Variants in POU6F1 observed in about 807,000 individuals in gnomAD.
POU6F1 encodes POU domain, class 6, transcription factor 1.
Under a neutral mutation model 28.9 loss-of-function variants are expected in POU6F1, and 9 were observed. The observed-to-expected ratio is 0.31, with a 90% CI of 0.19 to 0.54. The LOEUF is 0.54. POU6F1 is among the 20% of genes least tolerant of loss of function. The pLI is 0.94. For synonymous variants in POU6F1, 173 were observed against 171.1 expected (o/e 1.01, Z -0.09); for missense variants, 338 against 426.1 (o/e 0.79, Z 1.82).
intron 6 of POU6F1, among the ~76,000 whole-genome samples, chr12:51,197,417 A>G (rs77725030): frequency 0.012 from 1,781 of 152,306 alleles, 37 homozygotes; most frequent in African/African-American, 0.041. Context: ...CTGCCAAGCC[A>G]GGAGCTACAC....
chr12:51,208,429 G>A (rs1194116825), intron 1 of POU6F1, among the ~76,000 whole-genome samples: 1 of 152,192 alleles, frequency 6.6e-6, no homozygotes, highest in Admixed American at 6.5e-5. Context: ...ACAATTGCTT[G>A]CTGTATTACT....
At chr12:51,213,524 GTTTAT>G (rs1027067600) in intron 1 of POU6F1, among the ~76,000 whole-genome samples, 3 of 151,714 alleles carry the variant, frequency 2.0e-5, no homozygotes, top group South Asian at 2.1e-4. Flanking sequence ...CATTTCTATG[GTTTAT>G]TTTATTTTAT....
At chr12:51,208,373 G>A (rs1025735963) in intron 1 of POU6F1, among the ~76,000 whole-genome samples, 6 of 152,200 alleles carry the variant, frequency 3.9e-5, no homozygotes, top group African/African-American at 1.4e-4. Flanking sequence ...AAAAGCAATT[G>A]ACATTTATTT....
At chr12:51,202,985 A>G (rs1374431589) in intron 3 of POU6F1, among the ~76,000 whole-genome samples, 1 of 152,058 alleles carries the variant, frequency 6.6e-6, no homozygotes, top group East Asian at 1.9e-4. Flanking sequence ...AATACTGCAC[A>G]CCTAGGAAGT....
intron 1 of POU6F1, among the ~76,000 whole-genome samples, chr12:51,213,549 T>A (rs1301052687): frequency 6.6e-6 from 1 of 151,980 alleles, no homozygotes; most frequent in Non-Finnish European, 1.5e-5. Flanking sequence ...TTTTATTTTT[T>A]TGAGACGAGG....
At chr12:51,206,697 CAG>C (rs1943651012) in intron 2 of POU6F1, 90 bp downstream of exon 2, 2 of 398,482 alleles carry the variant, frequency 5.0e-6, no homozygotes, top group East Asian at 7.1e-5. Flanking sequence ...TGGTAAGAAA[CAG>C]AGAGTGAAGG....
chr12:51,190,948 C>T lies in POU6F1; in HGVS notation c.1491-356G>A, dbSNP rs1942366233. Among the ~76,000 whole-genome samples the T allele has an allele frequency of 6.6e-6, 1 of 152,150 alleles. No individual in the cohort carries two copies. Among genetic ancestry groups the T allele is most frequent in the African/African-American group, 2.4e-5 (1 of 41,422 alleles). ...CCTTGGGAGGCCTCCAGTCACACTC[C>T]CATAGCAGCATCACTAACAAGTCAG... On this transcript the variant is annotated intron_variant, in intron 10 of 10. Coordinates refer to ENST00000333640, the MANE Select transcript of POU6F1 (RefSeq NM_001330422.2). The surrounding 1 kb of genome is among the most constrained non-coding windows in gnomAD (Gnocchi z 4.5).
At chr12:51,206,740 C>T (rs1312021058) in intron 2 of POU6F1, 49 bp downstream of exon 2, 1 of 398,586 alleles carries the variant, frequency 2.5e-6, no homozygotes. Flanking sequence ...GTTGCCCACA[C>T]CCCTCACTCC....
At chr12:51,213,164 T>C (rs1944115170) in intron 1 of POU6F1, among the ~76,000 whole-genome samples, 1 of 152,186 alleles carries the variant, frequency 6.6e-6, no homozygotes, top group Non-Finnish European at 1.5e-5. Flanking sequence ...CAGGAACTCC[T>C]GACCTCAGAT....
Position 51,196,072 on chromosome 12 carries a change from C to G in POU6F1, c.1077G>C (p.Leu359Phe), listed in dbSNP as rs762423758. ...QVQAVTPQLL[L>F]NAQGQVIATL... ...TCGCAATCACCTGGCCCTGGGCGTT[C>G]AACAACAGCTGGGGGGTCACGGCCT... Residue 359 changes from leucine (L) to phenylalanine (F), a missense_variant, in exon 8 of 11, where the codon TTG becomes TTC. Leu to Phe is a conservative substitution (Grantham distance 22). Coordinates refer to ENST00000333640, the MANE Select transcript of POU6F1 (RefSeq NM_001330422.2). 6.2e-7 allele frequency: 1 copy of G among 1,607,906 alleles called. No homozygotes were observed. The highest frequency in any genetic ancestry group is 1.1e-5 in the South Asian group (1 of 90,096).
Position 51,191,687 on chromosome 12 carries a change from G to T in POU6F1, c.1399C>A (p.Arg467=), listed in dbSNP as rs772862626. The change falls in exon 10 of 11, where the codon CGG becomes AGG. Residue 467 remains arginine, a synonymous_variant. Coordinates refer to ENST00000333640, the MANE Select transcript of POU6F1 (RefSeq NM_001330422.2). ...TGTGTAAGGCCCAGCGAGAGCCGCC[G>T]GATCTTAAAGTTCTTGGCAAACTCC... is the stretch of plus-strand genomic sequence containing the variant. The part of the protein sequence containing the change: ...IREFAKNFKI[R]RLSLGLTQTQ... The T allele has an allele frequency of 2.5e-6, 4 of 1,614,098 alleles. No individual in the cohort carries two copies. Among genetic ancestry groups the T allele is most frequent in the African/African-American group, 2.7e-5 (2 of 74,938 alleles).
chr12:51,213,636 C>T (rs1175084228), intron 1 of POU6F1, among the ~76,000 whole-genome samples: 1 of 151,914 alleles, frequency 6.6e-6, no homozygotes, highest in African/African-American at 2.4e-5. Context: ...CAGGTTCAAA[C>T]GATTCTCCTG....
At chr12:51,209,505 A>G (rs1165403291) in intron 1 of POU6F1, among the ~76,000 whole-genome samples, 1 of 152,210 alleles carries the variant, frequency 6.6e-6, no homozygotes, top group African/African-American at 2.4e-5. Context: ...TTGTATGGAT[A>G]CACTATATTT....
chr12:51,205,720 A>C (rs935635422), intron 2 of POU6F1, among the ~76,000 whole-genome samples: 2 of 152,194 alleles, frequency 1.3e-5, no homozygotes, highest in Non-Finnish European at 2.9e-5. Flanking sequence ...AGATGAGTGA[A>C]ATACATCCCC....
chr12:51,206,880 C>T lies in POU6F1; in HGVS notation c.-44G>A, dbSNP rs1943664568. On this transcript the variant is annotated 5_prime_UTR_variant, in exon 2 of 11. The change creates a new upstream start codon in the 5' untranslated region. Coordinates refer to ENST00000333640, the MANE Select transcript of POU6F1 (RefSeq NM_001330422.2). Reference sequence around the variant, plus strand: ...GGTGGGGGCCGGCCCACACCTAGCACATCCTGGGTAAGATGGGATTGGAAA... The same window carrying T: ...GGTGGGGGCCGGCCCACACCTAGCATATCCTGGGTAAGATGGGATTGGAAA... 1 of 398,830 alleles carries T rather than the reference C, an allele frequency of 2.5e-6. No homozygotes were observed. The highest frequency in any genetic ancestry group is 2.1e-5 in the African/African-American group (1 of 48,708). The allele number at this position is 398,830 out of a possible 1,614,324, so 24.7% of individuals were successfully genotyped here.
chr12:51,216,136 G>A (rs567014203), intron 1 of POU6F1, among the ~76,000 whole-genome samples: 2 of 152,144 alleles, frequency 1.3e-5, no homozygotes, highest in African/African-American at 4.8e-5. Context: ...TGGGCAACAC[G>A]GTGAAACCCC....
intron 1 of POU6F1, among the ~76,000 whole-genome samples, chr12:51,215,130 G>A (rs1944215050): frequency 6.6e-6 from 1 of 152,078 alleles, no homozygotes; most frequent in Non-Finnish European, 1.5e-5. Flanking sequence ...AACAATTGAA[G>A]ATACGAGGTC....
intron 2 of POU6F1, among the ~76,000 whole-genome samples, chr12:51,205,165 G>A (rs1283829806): frequency 5.4e-5 from 8 of 148,750 alleles, no homozygotes; most frequent in African/African-American, 9.9e-5. Flanking sequence ...TCAGCCTCCC[G>A]AGTAGCTGGG....
intron 1 of POU6F1, among the ~76,000 whole-genome samples, chr12:51,212,955 G>A (rs1944101915): frequency 6.7e-6 from 1 of 149,156 alleles, no homozygotes; most frequent in Admixed American, 6.7e-5. Flanking sequence ...TTTTTTTTTC[G>A]AGGCGGAGTC....
Sources: allele counts gnomAD v4.1 joint callset (sites outside exome capture counted in the v4.1 genomes callset), GRCh38; gene constraint gnomAD v4.1.1; non-coding constraint Gnocchi (gnomAD v3.1); transcripts MANE v1.5; gene names NCBI Gene and HGNC (gene_info 2026-07-23, HGNC 2026-07-21).